The following SDHAF4 variants were observed in gnomAD, a reference collection of about 807,000 sequenced individuals.
SDHAF4 encodes succinate dehydrogenase assembly factor 4, mitochondrial.
In SDHAF4, 14 loss-of-function variants were observed where a neutral mutation model predicts 14.3. That is an observed-to-expected ratio of 0.98 (90% confidence interval 0.65 to 1.53). The LOEUF (loss-of-function observed/expected upper bound fraction) is 1.53, where lower values mean the gene tolerates loss of function less well. Ranked by LOEUF, SDHAF4 falls within the 40% of genes most tolerant of loss-of-function variation. The probability of loss-of-function intolerance (pLI) is 0.00; values close to 1 mark genes in which losing one functional copy is unlikely to be tolerated. For synonymous variants in SDHAF4, 63 were observed against 47.3 expected (o/e 1.33, Z -1.36); for missense variants, 141 against 129.3 (o/e 1.09, Z -0.44).
intron 1 of SDHAF4, among the ~76,000 whole-genome samples, chr6:70,568,407 G>A (rs375866119): frequency 5.5e-4 from 84 of 152,290 alleles, no homozygotes; most frequent in African/African-American, 2.0e-3. Context: ...CTATTGCCAA[G>A]GAGGTCTCTA....
chr6:70,579,727 A>G (rs1190087732), intron 2 of SDHAF4, among the ~76,000 whole-genome samples, 161 bp downstream of exon 2: 3 of 152,238 alleles, frequency 2.0e-5, no homozygotes, highest in African/African-American at 7.2e-5. Flanking sequence ...CCATCGATAC[A>G]TGTAGATTTC....
chr6:70,578,365 T>C (rs1802281766), intron 1 of SDHAF4, among the ~76,000 whole-genome samples: 1 of 152,130 alleles, frequency 6.6e-6, no homozygotes, highest in African/African-American at 2.4e-5. Context: ...TGGCCGCTTA[T>C]ATGTCTTCTT....
At chr6:70,580,362 C>T (rs1185569237) in intron 2 of SDHAF4, among the ~76,000 whole-genome samples, 1 of 152,138 alleles carries the variant, frequency 6.6e-6, no homozygotes, top group African/African-American at 2.4e-5. Context: ...AATTGAAACC[C>T]TCAGGCATTT....
At chr6:70,581,763 A>C (rs1765127823) in intron 2 of SDHAF4, among the ~76,000 whole-genome samples, 1 of 152,028 alleles carries the variant, frequency 6.6e-6, no homozygotes, top group Non-Finnish European at 1.5e-5. Flanking sequence ...ACATACCACC[A>C]TGCTCACCTA....
At chr6:70,593,320 T>C (rs529374163), downstream of SDHAF4, among the ~76,000 whole-genome samples, 103 of 152,322 alleles carry the variant, frequency 6.8e-4, no homozygotes, top group Non-Finnish European at 1.2e-3. Flanking sequence ...ATCAGACAGC[T>C]TGTGGGCCCA....
chr6:70,567,070 C>T (rs1802106821), intron 1 of SDHAF4, 66 bp downstream of exon 1: 3 of 1,457,450 alleles, frequency 2.1e-6, no homozygotes, highest in African/African-American at 1.4e-5. Context: ...CAGAGAGAAG[C>T]GCCTCCCGCG....
At chr6:70,591,595 C>T (rs902992780), downstream of SDHAF4, among the ~76,000 whole-genome samples, 1 of 152,076 alleles carries the variant, frequency 6.6e-6, no homozygotes, top group Non-Finnish European at 1.5e-5. Flanking sequence ...TCCCAAAGTG[C>T]TGGGCCAGGT....
the SDHAF4 span, among the ~76,000 whole-genome samples, chr6:70,597,363 G>A: frequency 9.0e-5 from 13 of 144,650 alleles, no homozygotes; most frequent in African/African-American, 3.4e-4. Flanking sequence ...TGGCCAGGCT[G>A]GTCTCAAATG....
At chr6:70,579,165 A>G in intron 1 of SDHAF4, among the ~76,000 whole-genome samples, 1 of 152,214 alleles carries the variant, frequency 6.6e-6, no homozygotes, top group East Asian at 1.9e-4. Flanking sequence ...TAATGTTTTA[A>G]TATAAGTTTC....
intron 2 of SDHAF4, among the ~76,000 whole-genome samples, chr6:70,582,638 C>T (rs1020888691): frequency 1.3e-5 from 2 of 152,158 alleles, no homozygotes; most frequent in Non-Finnish European, 2.9e-5. Context: ...CACCCAAGCC[C>T]GAAATCTGGG....
At chr6:70,586,884 G>A (rs1412516175) in intron 2 of SDHAF4, among the ~76,000 whole-genome samples, 1 of 152,150 alleles carries the variant, frequency 6.6e-6, no homozygotes, top group Non-Finnish European at 1.5e-5. Flanking sequence ...TTAGGGGCCA[G>A]GCGGCCGGGC....
intron 1 of SDHAF4, among the ~76,000 whole-genome samples, chr6:70,577,108 G>C (rs1360129030): frequency 1.3e-5 from 2 of 152,066 alleles, no homozygotes; most frequent in Non-Finnish European, 2.9e-5. Context: ...AGCAACATCG[G>C]GTCTGGTCTG....
chr6:70,595,354 C>T, the SDHAF4 span, among the ~76,000 whole-genome samples: 2 of 152,158 alleles, frequency 1.3e-5, no homozygotes, highest in Non-Finnish European at 2.9e-5. Flanking sequence ...TGTACGGAGA[C>T]TCATTTAAGA....
intron 1 of SDHAF4, 47 bp from the exon 2 acceptor site, chr6:70,579,367 G>A: frequency 7.6e-7 from 1 of 1,324,380 alleles, no homozygotes; most frequent in Non-Finnish European, 9.9e-7. Flanking sequence ...TGTTTAAAGT[G>A]GAATAAATGA....
chr6:70,584,077 T>G (rs111952602), intron 2 of SDHAF4, among the ~76,000 whole-genome samples: 32,312 of 152,058 alleles, frequency 0.21, 4,013 homozygotes, highest in African/African-American at 0.33. Context: ...CCAGGCTGGC[T>G]TGCAGTGGTA....
chr6:70,575,480 CAAAAA>C (rs57160716), intron 1 of SDHAF4, among the ~76,000 whole-genome samples: 1 of 113,292 alleles, frequency 8.8e-6, no homozygotes, highest in African/African-American at 2.9e-5. Flanking sequence ...TGTCTCTGTT[CAAAAA>C]AAAAAAAAAA....
chr6:70,592,836 A>T (rs969985861), downstream of SDHAF4, among the ~76,000 whole-genome samples: 2 of 152,208 alleles, frequency 1.3e-5, no homozygotes, highest in Non-Finnish European at 2.9e-5. Context: ...AACCAAGCGT[A>T]TGACCAAGGC....
At chr6:70,575,390 A>G (rs1802240986) in intron 1 of SDHAF4, among the ~76,000 whole-genome samples, 1 of 147,182 alleles carries the variant, frequency 6.8e-6, no homozygotes. Flanking sequence ...AAAAAAAAGG[A>G]CCCTCCTGGT....
downstream of SDHAF4, among the ~76,000 whole-genome samples, chr6:70,594,116 G>A (rs180765813): frequency 2.4e-4 from 37 of 152,286 alleles, no homozygotes; most frequent in Middle Eastern, 3.4e-3. Flanking sequence ...CTGTCCTACC[G>A]TTGTATCTTG....
Sources: gnomAD v4.1 joint callset for allele counts (sites outside exome capture counted in the v4.1 genomes callset) on GRCh38, gnomAD v4.1.1 for gene constraint, MANE v1.5 for transcripts, NCBI Gene and HGNC (gene_info 2026-07-23, HGNC 2026-07-21) for gene names.